The following CCDC85A variants were observed in gnomAD, a reference collection of about 807,000 sequenced individuals.
CCDC85A encodes the protein coiled-coil domain containing 85A.
CCDC85A carries 38 observed loss-of-function variants against 50.2 expected under a neutral mutation model. The ratio of observed to expected loss-of-function variants is 0.76; its 90% CI spans 0.58 to 0.99. The LOEUF is 0.99. Among genes scored for constraint, CCDC85A ranks in the 50% least tolerant of loss-of-function variants. The pLI is 0.00. For synonymous variants in CCDC85A, 366 were observed against 301.4 expected (o/e 1.21, Z -2.22); for missense variants, 820 against 742.0 (o/e 1.11, Z -1.22).
intron 3 of CCDC85A, among the ~76,000 whole-genome samples, chr2:56,344,324 C>T (rs1446125816): frequency 8.5e-5 from 13 of 152,116 alleles, no homozygotes; most frequent in Admixed American, 7.9e-4. Context: ...GTCTGATCAT[C>T]GAGATGGCCA....
intron 5 of CCDC85A, among the ~76,000 whole-genome samples, chr2:56,382,629 T>C (rs1420397043): frequency 6.6e-6 from 1 of 152,072 alleles, no homozygotes; most frequent in Non-Finnish European, 1.5e-5. Context: ...ACACCTGTTA[T>C]GCCTTTTTAG....
In CCDC85A at chr2:56,192,513, C is replaced by T; in HGVS notation, c.313C>T (p.Leu105=). 6.2e-7 allele frequency: 1 copy of T among 1,613,592 alleles called. No individual in the cohort carries two copies. Among genetic ancestry groups the T allele is most frequent in the Non-Finnish European group, 8.5e-7 (1 of 1,179,736 alleles). The change falls in exon 2 of 6, where the codon CTG becomes TTG. Residue 105 remains leucine, a synonymous_variant. Transcript: ENST00000407595. The surrounding 1 kb of genome is among the most constrained non-coding windows in gnomAD (Gnocchi z 4.7). Reference sequence around the variant, plus strand: ...GAAACTCCAGGAAGACAACCAGGAACTGAGGGACCTCTGCTGTTTCCTGGA... The same window carrying T: ...GAAACTCCAGGAAGACAACCAGGAATTGAGGGACCTCTGCTGTTTCCTGGA... ...NQKLQEDNQE[L]RDLCCFLDDD... is the part of the protein sequence containing the mutation.
intron 2 of CCDC85A, among the ~76,000 whole-genome samples, chr2:56,276,540 AG>A (rs1190575572): frequency 6.6e-6 from 1 of 152,078 alleles, no homozygotes; most frequent in Non-Finnish European, 1.5e-5. Flanking sequence ...TGGTTTCATG[AG>A]GGGAAACCCA....
intron 2 of CCDC85A, among the ~76,000 whole-genome samples, chr2:56,220,844 G>A (rs2103905802): frequency 6.6e-6 from 1 of 152,020 alleles, no homozygotes; most frequent in African/African-American, 2.4e-5. Flanking sequence ...ACCAAGAATA[G>A]CACGCAATAA....
At chr2:56,288,494 G>A (rs974275870) in intron 2 of CCDC85A, among the ~76,000 whole-genome samples, 5 of 151,998 alleles carry the variant, frequency 3.3e-5, no homozygotes, top group African/African-American at 1.2e-4. Flanking sequence ...GTTAAAATTA[G>A]TTATGTCTGC....
intron 2 of CCDC85A, among the ~76,000 whole-genome samples, chr2:56,302,352 G>A (rs73940649): frequency 0.02 from 2,980 of 152,268 alleles, 101 homozygotes; most frequent in African/African-American, 0.066. Flanking sequence ...GTAGTAGAAG[G>A]AGATATTTGT....
intron 2 of CCDC85A, among the ~76,000 whole-genome samples, chr2:56,224,798 T>G (rs970587189): frequency 4.6e-5 from 7 of 152,194 alleles, no homozygotes; most frequent in Non-Finnish European, 1.0e-4. Flanking sequence ...TTTGTCTTTT[T>G]ATTATTGAGT....
rs1387926038 is a variant in CCDC85A, at chr2:56,184,776, A to T, written c.152A>T (p.Glu51Val). Residue 51 changes from glutamate to valine, a missense_variant, in exon 1 of 6, where the codon GAG (glutamate) becomes GTG (valine). Glu to Val is a moderately radical substitution (Grantham distance 121). Transcript: ENST00000407595. ...GAGCTGCTGCAGTGGAGCAAGGAGG[A>T]GCTGATCCGCAGCCTGCGGCGCGCC... The part of the protein sequence containing the change: ...DEELLQWSKE[E>V]LIRSLRRAEA... 1.3e-6 allele frequency: 2 copies of T among 1,546,360 alleles called. No homozygotes were observed. Among genetic ancestry groups the T allele is most frequent in the Non-Finnish European group, 1.7e-6 (2 of 1,146,008 alleles).
intron 2 of CCDC85A, among the ~76,000 whole-genome samples, chr2:56,301,507 A>T (rs1672199939): frequency 6.6e-6 from 1 of 152,230 alleles, no homozygotes; most frequent in Non-Finnish European, 1.5e-5. Flanking sequence ...ATACAGAGGT[A>T]TATAAGAATG....
At chr2:56,258,692 A>G (rs181175434) in intron 2 of CCDC85A, among the ~76,000 whole-genome samples, 1 of 152,344 alleles carries the variant, frequency 6.6e-6, no homozygotes, top group Admixed American at 6.5e-5. Flanking sequence ...TGTAAGAGAA[A>G]GTAGTTACCT....
intron 2 of CCDC85A, among the ~76,000 whole-genome samples, chr2:56,330,893 GATC>G (rs1439136317): frequency 5.3e-5 from 8 of 152,074 alleles, no homozygotes; most frequent in Non-Finnish European, 2.9e-5. Context: ...AAGGAAAAGT[GATC>G]ATCATATCAA....
chr2:56,370,751 T>C (rs1676031538), intron 3 of CCDC85A, among the ~76,000 whole-genome samples: 1 of 152,120 alleles, frequency 6.6e-6, no homozygotes, highest in Non-Finnish European at 1.5e-5. Flanking sequence ...GGTATGATGA[T>C]AAGCTTTGTT....
chr2:56,334,316 G>C (rs1274153699), intron 2 of CCDC85A, among the ~76,000 whole-genome samples: 1 of 152,168 alleles, frequency 6.6e-6, no homozygotes, highest in Non-Finnish European at 1.5e-5. Flanking sequence ...TAACTATTGG[G>C]TGAGGAAGTG....
chr2:56,306,353 C>T (rs1365268006), intron 2 of CCDC85A, among the ~76,000 whole-genome samples: 1 of 152,110 alleles, frequency 6.6e-6, no homozygotes, highest in East Asian at 1.9e-4. Flanking sequence ...GTCTTGAACT[C>T]CTGACCTCAG....
chr2:56,187,210 G>A (rs189901612), intron 1 of CCDC85A, among the ~76,000 whole-genome samples: 91 of 152,276 alleles, frequency 6.0e-4, no homozygotes, highest in Middle Eastern at 3.4e-3. Context: ...TGTTAAGGGC[G>A]TGGGGGAGCG....
chr2:56,296,788 A>G (rs1391796535), intron 2 of CCDC85A, among the ~76,000 whole-genome samples: 1 of 152,182 alleles, frequency 6.6e-6, no homozygotes, highest in East Asian at 1.9e-4. Context: ...AGCAATTTAA[A>G]CAATTTACAT....
intron 2 of CCDC85A, among the ~76,000 whole-genome samples, chr2:56,316,835 T>A (rs1158730029): frequency 1.3e-5 from 2 of 152,176 alleles, no homozygotes; most frequent in Admixed American, 1.3e-4. Context: ...AATGTCACTT[T>A]TTTATGGTAA....
intron 2 of CCDC85A, among the ~76,000 whole-genome samples, chr2:56,229,999 T>C (rs1328711115): frequency 6.6e-6 from 1 of 152,200 alleles, no homozygotes; most frequent in African/African-American, 2.4e-5. Context: ...TTAGTGAGGT[T>C]GATGCAAATA....
chr2:56,368,901 G>T (rs527528519), intron 3 of CCDC85A, among the ~76,000 whole-genome samples: 1 of 151,528 alleles, frequency 6.6e-6, no homozygotes, highest in African/African-American at 2.4e-5. Flanking sequence ...TTTTTCTGGC[G>T]TGCAAACAAA....
Sources: allele counts gnomAD v4.1 joint callset (sites outside exome capture counted in the v4.1 genomes callset), GRCh38; gene constraint gnomAD v4.1.1; non-coding constraint Gnocchi (gnomAD v3.1); transcripts MANE v1.5; gene names NCBI Gene and HGNC (gene_info 2026-07-23, HGNC 2026-07-21).